LCORL: variants seen among roughly 807,000 people sequenced by gnomAD.
LCORL encodes ligand dependent nuclear receptor corepressor like.
In LCORL, 41 loss-of-function variants were observed where a neutral mutation model predicts 141.8. That is an observed-to-expected ratio of 0.29 (90% CI 0.23 to 0.38). LCORL has a LOEUF of 0.38. Among genes scored for constraint, LCORL ranks in the 10% least tolerant of loss-of-function variants. The pLI is 1.00. For missense variants in LCORL, 1,759 were observed against 2,035.0 expected (o/e 0.86, Z 2.61); for synonymous variants, 618 against 694.1 (o/e 0.89, Z 1.72).
exon 8 of LCORL, chr4:17,842,958 A>G (rs563839491): frequency 5.9e-6 from 1 of 169,756 alleles, no homozygotes; most frequent in African/African-American, 2.4e-5. Flanking sequence ...GAGAGAACTT[A>G]ATTTTTTTGT....
chr4:17,964,866 C>CCTT (rs749774572), intron 2 of LCORL, among the ~76,000 whole-genome samples: 1 of 141,532 alleles, frequency 7.1e-6, no homozygotes, highest in Non-Finnish European at 1.6e-5. Flanking sequence ...TCTTACTGCC[C>CCTT]TTTTTTTTTT....
At chr4:17,896,492 G>A (rs111298013) in intron 5 of LCORL, among the ~76,000 whole-genome samples, 3 of 152,270 alleles carry the variant, frequency 2.0e-5, no homozygotes, top group Non-Finnish European at 4.4e-5. Flanking sequence ...CTGTTAGCCA[G>A]GCTGGTCTCG....
Position 17,921,317 on chromosome 4 carries a change from C to A in LCORL, c.431-11972G>T, listed in dbSNP as rs143958018. ...TGCTGAGATTACAGGCGTTGAGCCACCGCACCCAACCGAATCAGTAATGTT... is the reference window on the plus strand; with the variant it reads ...TGCTGAGATTACAGGCGTTGAGCCAACGCACCCAACCGAATCAGTAATGTT... On this transcript the variant is annotated intron_variant, in intron 4 of 7. Coordinates refer to ENST00000635767, the Ensembl canonical transcript of LCORL. Among the ~76,000 whole-genome samples, 5 of 152,276 alleles carry A rather than the reference C, an allele frequency of 3.3e-5. 1 individual carries two copies. The highest frequency in any genetic ancestry group is 1.2e-4 in the African/African-American group (5 of 41,560).
chr4:17,936,320 A>G (rs2109446968), intron 4 of LCORL, among the ~76,000 whole-genome samples: 1 of 151,464 alleles, frequency 6.6e-6, no homozygotes, highest in African/African-American at 2.4e-5. Context: ...GAATTTTGGA[A>G]CTACCAGATT....
chr4:17,926,616 C>T (rs1735193347), intron 4 of LCORL, among the ~76,000 whole-genome samples: 1 of 152,214 alleles, frequency 6.6e-6, no homozygotes, highest in Non-Finnish European at 1.5e-5. Context: ...TTCTGGCTTC[C>T]TTGCTCCTCA....
chr4:17,874,744 T>G (rs1268103159), exon 7 of LCORL: 3 of 1,233,854 alleles, frequency 2.4e-6, no homozygotes, highest in Non-Finnish European at 3.0e-6. Flanking sequence ...GATGAAATTA[T>G]AGGATCCAAG....
chr4:17,911,697 C>G, intron 4 of LCORL: 2 of 503,778 alleles, frequency 4.0e-6, no homozygotes, highest in South Asian at 3.1e-5. Flanking sequence ...CTTGCTCCAC[C>G]TTCTCCACCA....
chr4:17,936,480 T>C (rs1307462570), intron 4 of LCORL, among the ~76,000 whole-genome samples: 1 of 152,126 alleles, frequency 6.6e-6, no homozygotes, highest in African/African-American at 2.4e-5. Flanking sequence ...GTATTTTTTT[T>C]CCACCAGATC....
intron 4 of LCORL, among the ~76,000 whole-genome samples, chr4:17,926,329 C>T (rs1460825618): frequency 6.6e-6 from 1 of 152,194 alleles, no homozygotes; most frequent in Non-Finnish European, 1.5e-5. Flanking sequence ...ACCATATAAT[C>T]AGCTGCCAGC....
chr4:17,913,908 G>A (rs780778527), intron 4 of LCORL, among the ~76,000 whole-genome samples: 1 of 152,162 alleles, frequency 6.6e-6, no homozygotes, highest in African/African-American at 2.4e-5. Context: ...AAAGTGTCTT[G>A]AATTGGATGG....
chr4:18,000,099 T>C (rs1721672806), intron 1 of LCORL, among the ~76,000 whole-genome samples: 1 of 150,994 alleles, frequency 6.6e-6, no homozygotes, highest in Non-Finnish European at 1.5e-5. Flanking sequence ...CTAAGTTTAT[T>C]ACTCAATTTC....
In LCORL at chr4:17,909,008, T is replaced by C. The variant is rs370656759; in HGVS notation, c.682+86A>G. On this transcript the variant is annotated intron_variant, in intron 5 of 7. Coordinates refer to ENST00000635767, the Ensembl canonical transcript of LCORL. ...AAGTCATATTACATCCAAAATAAAT[T>C]TCCCTATGAATATAAAAAGTTATAA... is the stretch of plus-strand genomic sequence containing the variant. The C allele has an allele frequency of 1.9e-4, 229 of 1,215,670 alleles. 2 individuals carry two copies. In the South Asian group the frequency reaches 3.3e-3, roughly 18 times the overall value. The allele number at this position is 1,215,670 out of a possible 1,614,324, so 75.3% of individuals were successfully genotyped here.
intron 3 of LCORL, among the ~76,000 whole-genome samples, chr4:17,962,271 A>G (rs1486975441): frequency 6.6e-6 from 1 of 151,458 alleles, no homozygotes; most frequent in Non-Finnish European, 1.5e-5. Flanking sequence ...AAAAAAAAAG[A>G]GCATATGAAA....
intron 5 of LCORL, among the ~76,000 whole-genome samples, chr4:17,904,597 C>T (rs71603388): frequency 0.011 from 1,688 of 152,092 alleles, 16 homozygotes; most frequent in Non-Finnish European, 0.017. Flanking sequence ...GGGATCCGCC[C>T]CTTATCCCCC....
At chr4:17,960,404 T>C (rs1039788898) in intron 4 of LCORL, 7 of 154,316 alleles carry the variant, frequency 4.5e-5, no homozygotes, top group African/African-American at 1.7e-4. Flanking sequence ...GCTATTATTA[T>C]TGATAATTCT....
chr4:18,000,724 G>A (rs1479045421), intron 1 of LCORL, among the ~76,000 whole-genome samples: 1 of 152,146 alleles, frequency 6.6e-6, no homozygotes, highest in Non-Finnish European at 1.5e-5. Flanking sequence ...ATAGTCTACT[G>A]TGTTAAAAAG....
At chr4:17,902,201 T>C (rs1308307089) in intron 5 of LCORL, among the ~76,000 whole-genome samples, 1 of 152,030 alleles carries the variant, frequency 6.6e-6, no homozygotes, top group Non-Finnish European at 1.5e-5. Context: ...TCCTGGAGTT[T>C]AGGATTTTAG....
At chr4:17,897,355 C>T (rs1730143567) in intron 5 of LCORL, among the ~76,000 whole-genome samples, 1 of 147,574 alleles carries the variant, frequency 6.8e-6, no homozygotes, top group South Asian at 2.2e-4. Context: ...TATTAATTTA[C>T]ATTAGTCTTT....
chr4:17,845,841 G>A (rs368121307), exon 8 of LCORL: 1 of 1,613,344 alleles, frequency 6.2e-7, no homozygotes, highest in African/African-American at 1.3e-5. Flanking sequence ...GGCTCAAAGG[G>A]CAACTTGCTG....
Sources: gnomAD v4.1 joint callset for allele counts (sites outside exome capture counted in the v4.1 genomes callset) on GRCh38, gnomAD v4.1.1 for gene constraint, MANE v1.5 for transcripts, NCBI Gene and HGNC (gene_info 2026-07-23, HGNC 2026-07-21) for gene names.